Variants in TRRAP observed in about 807,000 individuals in gnomAD.
TRRAP encodes transformation/transcription domain associated protein.
In TRRAP, 41 loss-of-function variants were observed where a neutral mutation model predicts 438.8. The ratio of observed to expected loss-of-function variants is 0.09; its 90% CI spans 0.07 to 0.12. The LOEUF (loss-of-function observed/expected upper bound fraction) is 0.12, where lower values mean the gene tolerates loss of function less well. Among genes scored for constraint, TRRAP ranks in the 10% least tolerant of loss-of-function variants. The pLI is 1.00. For synonymous variants in TRRAP, 1,994 were observed against 1,962.9 expected, an observed-to-expected ratio of 1.02 and a Z score of -0.42; for missense variants, 3,122 against 5,055.1, an observed-to-expected ratio of 0.62 and a Z score of 11.60.
intron 67 of TRRAP, among the ~76,000 whole-genome samples, chr7:98,995,274 T>C (rs1000225125): frequency 7.1e-6 from 1 of 141,244 alleles, no homozygotes; most frequent in Admixed American, 6.9e-5. Flanking sequence ...TGGCACCAGG[T>C]GGGATGGTGG....
rs782222104 is a variant in TRRAP, at chr7:98,917,514, G to C, written c.2457G>C (p.Ser819=). The C allele has an allele frequency of 6.2e-7, 1 of 1,614,140 alleles. No individual in the cohort carries two copies. The highest frequency in any genetic ancestry group is 1.7e-5 in the Admixed American group (1 of 60,010). Reference sequence around the variant, plus strand: ...TCACCGTCCCTGTGCGGCTGAGCTCGCTTTTGCCGTACCTGCCCATGCTTA... The same window carrying C: ...TCACCGTCCCTGTGCGGCTGAGCTCCCTTTTGCCGTACCTGCCCATGCTTA... ...LCLTVPVRLS[S]LLPYLPMLMD... The change falls in exon 20 of 73, where the codon TCG becomes TCC. Residue 819 remains serine, a synonymous_variant. Coordinates refer to ENST00000456197, the MANE Select transcript of TRRAP (RefSeq NM_001375524.1).
Position 98,911,282 on chromosome 7 carries a change from C to T in TRRAP, c.2007+11C>T. 2 of 1,589,018 alleles carry T rather than the reference C, an allele frequency of 1.3e-6. No individual in the cohort carries two copies. Among genetic ancestry groups the T allele is most frequent in the East Asian group, 2.3e-5 (1 of 44,310 alleles). ...AATTATGCTCTTCAGGTATAAAACT[C>T]CTTTTTTTATGTTGTTTGAACATTA... is the stretch of plus-strand genomic sequence containing the variant. On this transcript the variant is annotated intron_variant, in intron 17 of 72. Coordinates refer to ENST00000456197, the MANE Select transcript of TRRAP (RefSeq NM_001375524.1).
intron 67 of TRRAP, among the ~76,000 whole-genome samples, chr7:98,996,124 C>T (rs1793647457): frequency 6.6e-6 from 1 of 152,078 alleles, no homozygotes; most frequent in South Asian, 2.1e-4. Context: ...CATCTACTTA[C>T]CCTCATCCCA....
At chr7:98,944,862 T>TAGCACA (rs1184359390) in intron 31 of TRRAP, among the ~76,000 whole-genome samples, 1 of 152,030 alleles carries the variant, frequency 6.6e-6, no homozygotes, top group Non-Finnish European at 1.5e-5. Context: ...TGGAGTGCAA[T>TAGCACA]AGCACAGTCT....
chr7:98,907,822 G>T (rs1796857705), intron 13 of TRRAP, among the ~76,000 whole-genome samples: 1 of 149,026 alleles, frequency 6.7e-6, no homozygotes, highest in African/African-American at 2.5e-5. Flanking sequence ...AGCCATGCTG[G>T]CCCCTACAGC....
chr7:98,900,571 TACTAACATCACTCATAATTGAGAGG>T (rs1796427813), intron 10 of TRRAP, 28 bp from the exon 11 acceptor site: 8 of 1,466,626 alleles, frequency 5.5e-6, no homozygotes, highest in Non-Finnish European at 7.5e-6. Flanking sequence ...TTTTAATTAA[TACTAACATCACTCATAATTGAGAGG>T]TAATATTTTT....
chr7:98,970,058 C>T (rs752881079), intron 51 of TRRAP, 54 bp from the exon 52 acceptor site: 83 of 1,587,298 alleles, frequency 5.2e-5, no homozygotes, highest in Non-Finnish European at 7.0e-5. Context: ...AGTCCAGATG[C>T]CCTGAATGCC....
chr7:98,961,417 T>C lies in TRRAP; in HGVS notation c.6646T>C (p.Leu2216=). 6.2e-7 allele frequency: 1 copy of C among 1,614,238 alleles called. No individual in the cohort carries two copies. Among genetic ancestry groups the C allele is most frequent in the Non-Finnish European group, 8.5e-7 (1 of 1,180,052 alleles). The change falls in exon 46 of 73, where the codon TTG becomes CTG. Residue 2216 remains leucine, a synonymous_variant. Transcript: ENST00000456197. The part of the protein sequence containing the change: ...ACMTCGNTKV[L]RAVHSLLSRL... Reference sequence around the variant, plus strand: ...CATGACATGTGGAAACACCAAGGTGTTGCGAGCCGTCCACAGCCTTCTCTC... The same window carrying C: ...CATGACATGTGGAAACACCAAGGTGCTGCGAGCCGTCCACAGCCTTCTCTC...
chr7:98,983,508 C>A, intron 60 of TRRAP, 49 bp downstream of exon 60: 1 of 1,602,620 alleles, frequency 6.2e-7, no homozygotes, highest in Non-Finnish European at 8.5e-7. Context: ...TTTCCAGACG[C>A]CCCACGGTTC....
intron 30 of TRRAP, 81 bp downstream of exon 30, chr7:98,937,901 A>C (rs368358538): frequency 7.0e-7 from 1 of 1,419,902 alleles, no homozygotes; most frequent in African/African-American, 1.4e-5. Context: ...GCAGCTGGGC[A>C]CAGTGGTTCA....
In TRRAP at chr7:99,004,233, T is replaced by C. The variant is rs550848641; in HGVS notation, c.10353T>C (p.Leu3451=). The C allele has an allele frequency of 6.2e-7, 1 of 1,614,064 alleles. No homozygotes were observed. The highest frequency in any genetic ancestry group is 8.5e-7 in the Non-Finnish European group (1 of 1,180,012). ...CAGGATCCATGAAGCTTCATAATCT[T>C]ATTTCTAAGTTGAAAAAGTGGATCA... ...SVPGSMKLHN[L]ISKLKKWIKI... Residue 3451 remains leucine (L), a synonymous_variant, in exon 68 of 73, where the codon CTT becomes CTC. Coordinates refer to ENST00000456197, the MANE Select transcript of TRRAP (RefSeq NM_001375524.1).
chr7:98,933,430 T>C, intron 27 of TRRAP, 28 bp downstream of exon 27: 5 of 1,602,510 alleles, frequency 3.1e-6, no homozygotes, highest in African/African-American at 1.3e-5. Flanking sequence ...CGGAGTGGTG[T>C]GGATGGTGAT....
chr7:98,931,671 AT>A lies in TRRAP; in HGVS notation c.3852+9del. On this transcript the variant is annotated splice_region_variant and intron_variant, in intron 26 of 72. Coordinates refer to ENST00000456197, the MANE Select transcript of TRRAP (RefSeq NM_001375524.1). Reference sequence around the variant, plus strand: ...TCATGGAACCCCACAAAGAGGTGAGATTTCTGTCACCAGAACCAAGGTAATT... The same window carrying A: ...TCATGGAACCCCACAAAGAGGTGAGATTCTGTCACCAGAACCAAGGTAATT... The A allele has an allele frequency of 6.2e-7, 1 of 1,607,768 alleles. No individual in the cohort carries two copies. Among genetic ancestry groups the A allele is most frequent in the East Asian group, 2.2e-5 (1 of 44,692 alleles).
At position 98,977,064 on chromosome 7, in the gene TRRAP, G is replaced by A; in HGVS notation, c.8373G>A (p.Gly2791=). 6.2e-7 allele frequency: 1 copy of A among 1,614,224 alleles called. No individual in the cohort carries two copies. Among genetic ancestry groups the A allele is most frequent in the Non-Finnish European group, 8.5e-7 (1 of 1,180,046 alleles). ...CTGCGATTGCTTACGAGCAGCACGG[G>A]TTCTTTGAGCAGGTAAACCTCAGAC... ...TATAIAYEQH[G]FFEQAQESYE... Residue 2791 remains glycine, a synonymous_variant, in exon 56 of 73, where the codon GGG becomes GGA. Transcript: ENST00000456197.
rs782685012 is a variant in TRRAP, at chr7:98,921,969, A to G, written c.2823+16A>G. The G allele has an allele frequency of 6.2e-6, 10 of 1,614,038 alleles. No homozygotes were observed. The South Asian group carries it at 7.7e-5, about 12-fold the overall frequency. On this transcript the variant is annotated intron_variant, in intron 21 of 72. Coordinates refer to ENST00000456197, the MANE Select transcript of TRRAP (RefSeq NM_001375524.1). ...CATGGAGAAGGTAAGCTCTGTGACA[A>G]TGTCGTTTCGTTTTAAGCCTTGTGA...
chr7:98,959,421 G>T lies in TRRAP; in HGVS notation c.6420G>T (p.Ala2140=). Residue 2140 remains alanine (A), a synonymous_variant, in exon 45 of 73, where the codon GCG becomes GCT. Transcript: ENST00000456197. ...GGTGTGTGAACCTTCTGAAGACTGC[G>T]TTGCGGCCAGACATGTGGCCCAAGT... ...SRRCVNLLKT[A]LRPDMWPKSE... The T allele has an allele frequency of 1.2e-6, 2 of 1,614,062 alleles. No homozygotes were observed. Among genetic ancestry groups the T allele is most frequent in the South Asian group, 2.2e-5 (2 of 91,056 alleles).
At chr7:98,943,945 A>G (rs1251200297) in intron 31 of TRRAP, among the ~76,000 whole-genome samples, 2 of 152,150 alleles carry the variant, frequency 1.3e-5, no homozygotes, top group South Asian at 2.1e-4. Flanking sequence ...TGTTTTGACC[A>G]TTGTGTGTCA....
intron 63 of TRRAP, 33 bp from the exon 64 acceptor site, chr7:98,990,422 C>T (rs759720085): frequency 6.2e-7 from 1 of 1,602,742 alleles, no homozygotes; most frequent in Admixed American, 1.7e-5. Context: ...TCAGAATTGT[C>T]ATTCTACTCT....
Position 98,911,113 on chromosome 7 carries a change from G to T in TRRAP, c.1849G>T (p.Val617Leu). The change falls in exon 17 of 73, where the codon GTG becomes TTG. Residue 617 changes from valine (V) to leucine (L), a missense_variant. Around this residue, in one of 24 missense-constraint regions of TRRAP, gnomAD observed 149 missense variants for 302.8 expected, o/e 0.49. Coordinates refer to ENST00000456197, the MANE Select transcript of TRRAP (RefSeq NM_001375524.1). ...AGGAAATGGACAGACATACATCCGT[G>T]TGGCCAACTGCCAGACTGTGAGAAT... ...IAGNGQTYIRVANCQTVRMKE... is the reference protein window; with the variant it reads ...IAGNGQTYIRLANCQTVRMKE... 6.2e-7 allele frequency: 1 copy of T among 1,614,122 alleles called. No homozygotes were observed. The highest frequency in any genetic ancestry group is 8.5e-7 in the Non-Finnish European group (1 of 1,180,010).
Sources: gnomAD v4.1 joint callset for allele counts (sites outside exome capture counted in the v4.1 genomes callset) on GRCh38, gnomAD v4.1.1 for gene constraint, gnomAD v4.1.1 regional missense constraint, MANE v1.5 for transcripts, NCBI Gene and HGNC (gene_info 2026-07-23, HGNC 2026-07-21) for gene names.